MKLN1: variants seen among roughly 807,000 people sequenced by gnomAD.
MKLN1 encodes muskelin 1.
A neutral mutation model predicts 99.0 loss-of-function variants in MKLN1; 18 were observed. The observed-to-expected ratio is 0.18, with a 90% CI of 0.13 to 0.27. MKLN1 has a LOEUF of 0.27. Ranked by LOEUF, MKLN1 falls within the 10% of genes least tolerant of loss-of-function variation. The probability of loss-of-function intolerance (pLI) is 1.00; values close to 1 mark genes in which losing one functional copy is unlikely to be tolerated. For synonymous variants in MKLN1, 288 were observed against 293.2 expected, an observed-to-expected ratio of 0.98 and a Z score of 0.18; for missense variants, 621 against 875.9, an observed-to-expected ratio of 0.71 and a Z score of 3.67.
chr7:131,307,841 A>C (rs1281230129), intron 3 of MKLN1, among the ~76,000 whole-genome samples: 1 of 152,152 alleles, frequency 6.6e-6, no homozygotes, highest in East Asian at 1.9e-4. Context: ...TTAATGCTGG[A>C]ATAGGACTTT....
At chr7:131,265,290 C>A (rs1797791620) in intron 3 of MKLN1, among the ~76,000 whole-genome samples, 1 of 152,178 alleles carries the variant, frequency 6.6e-6, no homozygotes, top group African/African-American at 2.4e-5. Context: ...TGTTTGGTGA[C>A]AAAGACCCCA....
At chr7:131,224,834 G>A (rs1231525240) in intron 3 of MKLN1, among the ~76,000 whole-genome samples, 3 of 152,052 alleles carry the variant, frequency 2.0e-5, no homozygotes, top group African/African-American at 7.2e-5. Context: ...AGCACTTTGG[G>A]GGGCCGAGGT....
At chr7:131,240,699 A>C (rs889245839) in intron 3 of MKLN1, among the ~76,000 whole-genome samples, 5 of 152,256 alleles carry the variant, frequency 3.3e-5, no homozygotes, top group Non-Finnish European at 7.3e-5. Context: ...ATAACCATTT[A>C]TGGCAAATAA....
At chr7:131,407,627 A>G (rs569752389) in intron 6 of MKLN1, among the ~76,000 whole-genome samples, 11 of 150,420 alleles carry the variant, frequency 7.3e-5, no homozygotes, top group African/African-American at 2.4e-4. Context: ...AATGCTCATA[A>G]TGCAAAAATC....
At position 131,496,312 on chromosome 7, in the gene MKLN1, T is replaced by C. The variant is rs1797559732; in HGVS notation, c.*8584T>C. On this transcript the variant is annotated 3_prime_UTR_variant, in exon 18 of 18. Coordinates refer to ENST00000352689, the MANE Select transcript of MKLN1 (RefSeq NM_013255.5). The stretch of plus-strand genomic sequence containing the variant: ...GGAGCTTTTAAACAGAAGTGCTTTA[T>C]GGGTATCAGATCTCTTCTGACATCA... The C allele has an allele frequency of 1.3e-5, 2 of 152,134 alleles. No homozygotes were observed. Among genetic ancestry groups the C allele is most frequent in the African/African-American group, 2.4e-5 (1 of 41,364 alleles). The allele number at this position is 152,134 out of a possible 1,614,324, so 9.4% of individuals were successfully genotyped here.
At chr7:131,377,558 T>C (rs1475330265) in intron 2 of MKLN1, among the ~76,000 whole-genome samples, 1 of 152,210 alleles carries the variant, frequency 6.6e-6, no homozygotes, top group Non-Finnish European at 1.5e-5. Flanking sequence ...TGATTATTTT[T>C]ATTTCTTATT....
intron 3 of MKLN1, among the ~76,000 whole-genome samples, chr7:131,282,088 G>A (rs993494628): frequency 6.6e-6 from 1 of 152,266 alleles, no homozygotes; most frequent in Admixed American, 6.5e-5. Flanking sequence ...GGTGGCTCAT[G>A]CCTGTAATCC....
At chr7:131,324,735 C>A (rs1362861687), upstream of MKLN1, among the ~76,000 whole-genome samples, 1 of 152,120 alleles carries the variant, frequency 6.6e-6, no homozygotes, top group East Asian at 1.9e-4. Flanking sequence ...TAAGCAGTTT[C>A]AAGAGACAAA....
chr7:131,364,788 CG>C (rs1023239346), intron 1 of MKLN1, among the ~76,000 whole-genome samples: 4 of 152,096 alleles, frequency 2.6e-5, no homozygotes, highest in Non-Finnish European at 4.4e-5. Flanking sequence ...GAAATGATCT[CG>C]TTTTTTTTAT....
At chr7:131,159,335 G>GAT (rs1684869469) in intron 2 of MKLN1, among the ~76,000 whole-genome samples, 1 of 150,712 alleles carries the variant, frequency 6.6e-6, no homozygotes, top group Non-Finnish European at 1.5e-5. Context: ...AGAAAATGTG[G>GAT]ATACACACAC....
At chr7:131,218,576 T>C (rs1797017346) in intron 3 of MKLN1, among the ~76,000 whole-genome samples, 1 of 152,230 alleles carries the variant, frequency 6.6e-6, no homozygotes, top group Admixed American at 6.5e-5. Context: ...ATGCTACATT[T>C]CCTTCACTGT....
rs191679360 is a variant in MKLN1 at position 131,129,733 on chromosome 7, C to G, written c.-418-13087C>G. Among the ~76,000 whole-genome samples, 23 of 152,180 alleles carry G rather than the reference C, an allele frequency of 1.5e-4. No homozygotes were observed. The East Asian group carries it at 4.1e-3, about 27-fold the overall frequency. Reference sequence around the variant, plus strand: ...GGACTACAAGAATGTGCCACCATACCCTGTGAATTTTTTAAAACTTTTTTT... The same window carrying G: ...GGACTACAAGAATGTGCCACCATACGCTGTGAATTTTTTAAAACTTTTTTT... On this transcript the variant is annotated intron_variant, in intron 1 of 7. Coordinates refer to the MKLN1 transcript ENST00000416992.
At chr7:131,449,144 G>C (rs770838149) in intron 12 of MKLN1, among the ~76,000 whole-genome samples, 1 of 152,208 alleles carries the variant, frequency 6.6e-6, no homozygotes, top group Non-Finnish European at 1.5e-5. Context: ...AAGATGAAAA[G>C]TAGAGAATTA....
chr7:131,343,580 C>CT (rs1563302354), intron 1 of MKLN1, among the ~76,000 whole-genome samples: 1 of 152,140 alleles, frequency 6.6e-6, no homozygotes, highest in Non-Finnish European at 1.5e-5. Context: ...GAATTCCCTT[C>CT]TGTTTATTTA....
intron 2 of MKLN1, among the ~76,000 whole-genome samples, chr7:131,192,125 AT>A (rs1796559961): frequency 1.2e-5 from 1 of 85,824 alleles, no homozygotes; most frequent in Non-Finnish European, 2.1e-5. Flanking sequence ...ATATACGTAT[AT>A]ATATAAAAAT....
At chr7:131,460,952 G>C (rs193025498) in intron 12 of MKLN1, among the ~76,000 whole-genome samples, 28 of 152,244 alleles carry the variant, frequency 1.8e-4, no homozygotes, top group Admixed American at 1.4e-3. Flanking sequence ...GAGGAGCAGA[G>C]GTCAGAACCT....
intron 2 of MKLN1, among the ~76,000 whole-genome samples, chr7:131,183,204 G>T (rs1796399978): frequency 6.6e-6 from 1 of 152,162 alleles, no homozygotes; most frequent in Admixed American, 6.5e-5. Context: ...CATTTCAGTG[G>T]CTAGCAGATC....
At chr7:131,445,688 A>G (rs760948326) in intron 11 of MKLN1, 86 bp from the exon 12 acceptor site, 5 of 1,130,574 alleles carry the variant, frequency 4.4e-6, no homozygotes, top group Admixed American at 4.7e-5. Flanking sequence ...TTACTTTTGT[A>G]GAGGTTTAAG....
At chr7:131,159,795 A>G (rs9649554) in intron 2 of MKLN1, among the ~76,000 whole-genome samples, 55,161 of 151,900 alleles carry the variant, frequency 0.36, 11,331 homozygotes, top group Non-Finnish European at 0.48. Flanking sequence ...TTATAATGGG[A>G]AAAAAAATAG....
Sources: allele counts gnomAD v4.1 joint callset (sites outside exome capture counted in the v4.1 genomes callset), GRCh38; gene constraint gnomAD v4.1.1; transcripts MANE v1.5; gene names NCBI Gene and HGNC (gene_info 2026-07-23, HGNC 2026-07-21).